CCDC171: variants seen among roughly 807,000 people sequenced by gnomAD.
The protein encoded by CCDC171 is coiled-coil domain containing 171.
Under a neutral mutation model 168.2 loss-of-function variants are expected in CCDC171, and 177 were observed. The observed-to-expected ratio is 1.05, with a 90% CI of 0.93 to 1.19. The LOEUF is 1.19. Ranked by LOEUF, CCDC171 falls within the 50% of genes most tolerant of loss-of-function variation. The probability of loss-of-function intolerance (pLI) is 0.00; values close to 1 mark genes in which losing one functional copy is unlikely to be tolerated. For missense variants in CCDC171, 1,991 were observed against 1,539.0 expected (o/e 1.29, Z -4.91); for synonymous variants, 687 against 540.8 (o/e 1.27, Z -3.75).
At chr9:16,013,215 C>A (rs1832919975) in intron 3 of CCDC171, among the ~76,000 whole-genome samples, 1 of 152,280 alleles carries the variant, frequency 6.6e-6, no homozygotes, top group South Asian at 2.1e-4. Flanking sequence ...GTTCCTAAGG[C>A]CTTGAGGATT....
At chr9:15,927,717 A>T (rs1294810790) in intron 25 of CCDC171, among the ~76,000 whole-genome samples, 1 of 151,618 alleles carries the variant, frequency 6.6e-6, no homozygotes, top group East Asian at 1.9e-4. Flanking sequence ...ATTTTGGTTC[A>T]GTTAAGATGA....
chr9:15,935,583 A>G (rs953294404), intron 25 of CCDC171, among the ~76,000 whole-genome samples: 1 of 152,112 alleles, frequency 6.6e-6, no homozygotes, highest in African/African-American at 2.4e-5. Flanking sequence ...TTATATTAGC[A>G]TATAATATAA....
chr9:15,924,946 C>T (rs1460346261), intron 25 of CCDC171, among the ~76,000 whole-genome samples: 1 of 151,514 alleles, frequency 6.6e-6, no homozygotes, highest in Non-Finnish European at 1.5e-5. Flanking sequence ...TGTTGACTCC[C>T]AGGCCTCTGC....
rs143421886 is a variant in CCDC171, at chr9:15,805,861, G to C, written c.3267+21167G>C. On this transcript the variant is annotated intron_variant, in intron 21 of 25. Coordinates refer to ENST00000380701, the MANE Select transcript of CCDC171 (RefSeq NM_173550.4). ...GTCAACGGGGTATTAAAGTCTCCCA[G>C]TATTATTGTGTATTATTGTCTGGGA... is the stretch of plus-strand genomic sequence containing the variant. Among the ~76,000 whole-genome samples, 120 of 151,816 alleles carry C rather than the reference G, an allele frequency of 7.9e-4. 3 individuals carry two copies. In the East Asian group the frequency reaches 0.023, roughly 29 times the overall value.
intron 8 of CCDC171, among the ~76,000 whole-genome samples, chr9:15,660,018 C>T (rs922915368): frequency 6.6e-6 from 1 of 152,164 alleles, no homozygotes; most frequent in Non-Finnish European, 1.5e-5. Flanking sequence ...TAAAGACTTA[C>T]ACTTTTTTCC....
intron 21 of CCDC171, among the ~76,000 whole-genome samples, chr9:15,800,349 TTTCTCTGA>T (rs1378933680): frequency 2.0e-5 from 3 of 152,170 alleles, no homozygotes; most frequent in African/African-American, 7.2e-5. Flanking sequence ...TTGATATGCA[TTTCTCTGA>T]TGATCAATGA....
At chr9:15,665,203 G>T (rs7034484) in intron 8 of CCDC171, among the ~76,000 whole-genome samples, 69,241 of 151,648 alleles carry the variant, frequency 0.46, 16,094 homozygotes, top group Non-Finnish European at 0.51. Context: ...CACAGCCCAC[G>T]GCAGCTTCTG....
chr9:15,925,087 T>G (rs1173613011), intron 25 of CCDC171, among the ~76,000 whole-genome samples: 3 of 151,634 alleles, frequency 2.0e-5, no homozygotes, highest in Non-Finnish European at 4.4e-5. Context: ...AAACAGACAA[T>G]CCTTGTTCTC....
chr9:15,635,707 G>A (rs1587627232), intron 7 of CCDC171, among the ~76,000 whole-genome samples: 2 of 152,304 alleles, frequency 1.3e-5, no homozygotes, highest in South Asian at 2.1e-4. Flanking sequence ...CCATCACAGT[G>A]TTGTTTCCAC....
chr9:15,758,297 A>G (rs1416387025), intron 18 of CCDC171, among the ~76,000 whole-genome samples: 3 of 152,226 alleles, frequency 2.0e-5, no homozygotes, highest in Non-Finnish European at 4.4e-5. Context: ...CTGGAGTCAA[A>G]GGAGATCATT....
chr9:15,614,086 C>G (rs1179230527), intron 6 of CCDC171, among the ~76,000 whole-genome samples: 3 of 152,234 alleles, frequency 2.0e-5, no homozygotes, highest in Admixed American at 6.5e-5. Flanking sequence ...CTGATCAAAA[C>G]TCTGCCTTAG....
chr9:15,606,683 T>C (rs1343516502), intron 6 of CCDC171, among the ~76,000 whole-genome samples: 1 of 152,226 alleles, frequency 6.6e-6, no homozygotes, highest in Non-Finnish European at 1.5e-5. Flanking sequence ...ATGTTGTTTA[T>C]ATGAGTATAT....
At chr9:15,619,778 A>T (rs755135668) in intron 6 of CCDC171, among the ~76,000 whole-genome samples, 2 of 152,160 alleles carry the variant, frequency 1.3e-5, no homozygotes, top group Non-Finnish European at 1.5e-5. Context: ...AGAGCTAGAG[A>T]GGAGAAGTCA....
chr9:15,726,813 C>G (rs1349296439), intron 14 of CCDC171, among the ~76,000 whole-genome samples: 1 of 151,956 alleles, frequency 6.6e-6, no homozygotes, highest in Non-Finnish European at 1.5e-5. Flanking sequence ...TTTCTTCCTG[C>G]TGATCTATTA....
intron 24 of CCDC171, among the ~76,000 whole-genome samples, chr9:15,895,223 C>T (rs1448358882): frequency 6.6e-6 from 1 of 152,084 alleles, no homozygotes; most frequent in Admixed American, 6.6e-5. Context: ...TGTATGCCAT[C>T]ACAGAAAACA....
intron 25 of CCDC171, among the ~76,000 whole-genome samples, chr9:15,938,258 C>G (rs1216829225): frequency 6.6e-6 from 1 of 151,654 alleles, no homozygotes; most frequent in African/African-American, 2.4e-5. Flanking sequence ...AACCCGTGCT[C>G]TAAACTAAAG....
At chr9:15,637,626 C>G (rs940793017) in intron 7 of CCDC171, among the ~76,000 whole-genome samples, 5 of 115,184 alleles carry the variant, frequency 4.3e-5, no homozygotes, top group African/African-American at 1.6e-4. Context: ...CCCCTCCCCC[C>G]ACCCCACAAC....
intron 24 of CCDC171, among the ~76,000 whole-genome samples, chr9:15,879,395 A>G (rs1818295910): frequency 6.6e-6 from 1 of 152,108 alleles, no homozygotes. Context: ...CAATCAGGGT[A>G]ATTTGGTTAT....
At chr9:15,823,795 C>T (rs541279812) in intron 21 of CCDC171, among the ~76,000 whole-genome samples, 111 of 151,872 alleles carry the variant, frequency 7.3e-4, no homozygotes, top group African/African-American at 2.5e-3. Context: ...AAATAAAATG[C>T]TTTACACAGA....
Sources: gnomAD v4.1 joint callset for allele counts (sites outside exome capture counted in the v4.1 genomes callset) on GRCh38, gnomAD v4.1.1 for gene constraint, MANE v1.5 for transcripts, NCBI Gene and HGNC (gene_info 2026-07-23, HGNC 2026-07-21) for gene names.